Variants in BSDC1 observed in about 807,000 individuals in gnomAD.
The protein encoded by BSDC1 is BSD domain containing 1.
BSDC1 carries 29 observed loss-of-function variants against 56.0 expected under a neutral mutation model. The observed-to-expected ratio is 0.52, with a 90% CI of 0.39 to 0.71. The LOEUF is 0.71. Among genes scored for constraint, BSDC1 ranks in the 30% least tolerant of loss-of-function variants. BSDC1 has a pLI of 0.00. For synonymous variants in BSDC1, 210 were observed against 215.3 expected (o/e 0.98, Z 0.21); for missense variants, 477 against 548.5 (o/e 0.87, Z 1.30).
chr1:32,386,854 C>A lies in BSDC1; in HGVS notation c.114G>T (p.Glu38Asp). ...ALEFMKRDLT[E>D]FTQVVQHDTA... ...TGTCATGCTGCACCACCTGGGTAAA[C>A]TCCGTCAGGTCCCGCTTCATAAACT... Residue 38 changes from glutamate to aspartate, a missense_variant, in exon 3 of 11, where the codon GAG becomes GAT. Physicochemically the swap from Glu to Asp is conservative, Grantham distance 45. Transcript: ENST00000455895. The A allele has an allele frequency of 6.2e-7, 1 of 1,612,344 alleles. No individual in the cohort carries two copies. Among genetic ancestry groups the A allele is most frequent in the Non-Finnish European group, 8.5e-7 (1 of 1,180,034 alleles).
At chr1:32,393,156 T>C (rs191102246) in intron 2 of BSDC1, among the ~76,000 whole-genome samples, 31 of 152,336 alleles carry the variant, frequency 2.0e-4, no homozygotes, top group South Asian at 8.3e-4. Flanking sequence ...CTCATCCCAA[T>C]TGCTTGAGGT....
intron 3 of BSDC1, among the ~76,000 whole-genome samples, chr1:32,385,735 A>AACC (rs1557653158): frequency 1.3e-5 from 2 of 152,088 alleles, no homozygotes; most frequent in African/African-American, 4.8e-5. Flanking sequence ...TCAAAACAAT[A>AACC]ACCACCACCA....
chr1:32,379,540 G>GC, intron 5 of BSDC1, among the ~76,000 whole-genome samples: 1 of 152,154 alleles, frequency 6.6e-6, no homozygotes, highest in East Asian at 1.9e-4. Flanking sequence ...CAACCTGGGG[G>GC]CCATCCTATC....
At chr1:32,388,957 CTTTTTTTTTT>C (rs756507594) in intron 2 of BSDC1, among the ~76,000 whole-genome samples, 1 of 141,272 alleles carries the variant, frequency 7.1e-6, no homozygotes, top group African/African-American at 2.6e-5. Context: ...TCTTTTTTTT[CTTTTTTTTTT>C]TTTTTGAGAT....
In BSDC1 at chr1:32,381,257, A is replaced by G. The variant is rs1286233921; in HGVS notation, c.369T>C (p.Tyr123=). 6.2e-7 allele frequency: 1 copy of G among 1,613,390 alleles called. No homozygotes were observed. Among genetic ancestry groups the G allele is most frequent in the African/African-American group, 1.3e-5 (1 of 74,902 alleles). The stretch of plus-strand genomic sequence containing the variant: ...AGGTTGCTGGGTCCGACTGCAGGCT[A>G]TAGAGGCGAGCCTGTAAGAAAAGGA... The part of the protein sequence containing the change: ...EPYDGTKARL[Y]SLQSDPATYC... Residue 123 remains tyrosine (Y), a synonymous_variant, in exon 5 of 11, where the codon TAT becomes TAC. Transcript: ENST00000455895.
At chr1:32,391,912 T>C (rs1053054172) in intron 2 of BSDC1, among the ~76,000 whole-genome samples, 3 of 152,248 alleles carry the variant, frequency 2.0e-5, no homozygotes, top group African/African-American at 7.2e-5. Context: ...GCACTTACTG[T>C]ATGCTAGGTA....
intron 5 of BSDC1, among the ~76,000 whole-genome samples, chr1:32,380,014 A>AT (rs1245903440): frequency 2.6e-5 from 4 of 152,196 alleles, no homozygotes; most frequent in Admixed American, 6.5e-5. Context: ...ATGGGCTTCA[A>AT]AGGGTCAAAG....
intron 2 of BSDC1, among the ~76,000 whole-genome samples, chr1:32,392,314 G>C (rs1403854681): frequency 6.6e-6 from 1 of 152,130 alleles, no homozygotes; most frequent in South Asian, 2.1e-4. Flanking sequence ...TGGTAACAGA[G>C]CCAGACTTGG....
chr1:32,394,331 G>A (rs1289874064), intron 1 of BSDC1, 73 bp downstream of exon 1: 64 of 1,610,138 alleles, frequency 4.0e-5, no homozygotes, highest in Non-Finnish European at 5.4e-5. Context: ...GTTCCCCACC[G>A]GGACTCTCGC....
intron 9 of BSDC1, chr1:32,374,704 T>C (rs893523657): frequency 2.0e-5 from 3 of 152,354 alleles, no homozygotes; most frequent in African/African-American, 7.2e-5. Flanking sequence ...AACTCTCCTA[T>C]ACGAGGCTTG....
In BSDC1 at chr1:32,366,328, G is replaced by T; in HGVS notation, c.*294C>A. 1.6e-6 allele frequency: 1 copy of T among 613,420 alleles called. No homozygotes were observed. The highest frequency in any genetic ancestry group is 3.0e-6 in the Non-Finnish European group (1 of 334,076). 38.0% of individuals were successfully genotyped at this position (613,420 alleles called of 1,614,324 possible). On this transcript the variant is annotated 3_prime_UTR_variant, in exon 11 of 11. Coordinates refer to ENST00000455895, the MANE Select transcript of BSDC1 (RefSeq NM_018045.8). ...TTCCCAGCAGGAGTCCTCAGGAACA[G>T]TGGGTGTTCAGCAGAAAAACACAGG... is the stretch of plus-strand genomic sequence containing the variant.
At chr1:32,368,858 C>T (rs1641961474) in intron 9 of BSDC1, among the ~76,000 whole-genome samples, 2 of 152,116 alleles carry the variant, frequency 1.3e-5, no homozygotes, top group Non-Finnish European at 1.5e-5. Context: ...GCCCCACACA[C>T]CTGGCTAATT....
At chr1:32,375,696 A>G (rs561899667) in intron 9 of BSDC1, among the ~76,000 whole-genome samples, 60 of 152,322 alleles carry the variant, frequency 3.9e-4, no homozygotes, top group Admixed American at 9.2e-4. Flanking sequence ...TTTTGTTTAT[A>G]TATTTCATAA....
intron 4 of BSDC1, among the ~76,000 whole-genome samples, chr1:32,382,620 G>C (rs1195617859): frequency 6.6e-6 from 1 of 151,664 alleles, no homozygotes; most frequent in African/African-American, 2.4e-5. Flanking sequence ...CAGTACTTTA[G>C]GGGGCTGAGG....
intron 9 of BSDC1, among the ~76,000 whole-genome samples, chr1:32,371,784 C>T (rs1642099823): frequency 6.6e-6 from 1 of 152,186 alleles, no homozygotes; most frequent in South Asian, 2.1e-4. Context: ...CCTGCATCAT[C>T]CTCTCTTCTA....
intron 2 of BSDC1, among the ~76,000 whole-genome samples, chr1:32,390,869 T>A (rs1642843058): frequency 6.6e-6 from 1 of 152,008 alleles, no homozygotes. Context: ...CATGTTTGCA[T>A]CACTGCACTT....
chr1:32,394,242 C>T, intron 1 of BSDC1, 102 bp from the exon 2 acceptor site: 3 of 1,560,802 alleles, frequency 1.9e-6, no homozygotes, highest in Non-Finnish European at 2.6e-6. Context: ...GCCGAGGCTT[C>T]GCAGACCGCT....
rs1458324120 is a variant in BSDC1, at chr1:32,394,091, C to T, written c.61G>A (p.Val21Ile). 1.2e-6 allele frequency: 2 copies of T among 1,609,716 alleles called. No homozygotes were observed. Among genetic ancestry groups the T allele is most frequent in the Non-Finnish European group, 1.7e-6 (2 of 1,178,346 alleles). ...CGGGCCCGGCTTACCTTCTCTTTGA[C>T]TGCTTGGTAGCTCTGCTGCAGCCAG... ...RSWLQQSYQA[V>I]KEKSSEALEF... The change falls in exon 2 of 11, where the codon GTC (valine) becomes ATC (isoleucine). Residue 21 changes from valine to isoleucine, a missense_variant. Physicochemically the swap from Val to Ile is conservative, Grantham distance 29. Transcript: ENST00000455895.
chr1:32,391,555 T>C (rs1208327364), intron 2 of BSDC1, among the ~76,000 whole-genome samples: 1 of 150,296 alleles, frequency 6.7e-6, no homozygotes, highest in African/African-American at 2.5e-5. Flanking sequence ...TAATTTCTTC[T>C]TTCTGGTAAG....
Sources: gnomAD v4.1 joint callset for allele counts (sites outside exome capture counted in the v4.1 genomes callset) on GRCh38, gnomAD v4.1.1 for gene constraint, MANE v1.5 for transcripts, NCBI Gene and HGNC (gene_info 2026-07-23, HGNC 2026-07-21) for gene names.